The following CFAP99 variants were observed in gnomAD, a reference collection of about 807,000 sequenced individuals.
CFAP99 encodes cilia and flagella associated protein 99, also known as cilia- and flagella-associated protein 99.
In CFAP99, 84 loss-of-function variants were observed where a neutral mutation model predicts 82.7. That is an observed-to-expected ratio of 1.02 (90% CI 0.85 to 1.22). The LOEUF is 1.22. Ranked by LOEUF, CFAP99 falls within the 50% of genes most tolerant of loss-of-function variation. CFAP99 has a pLI of 0.00. For synonymous variants in CFAP99, 456 were observed against 429.5 expected (o/e 1.06, Z -0.76); for missense variants, 1,059 against 983.5 (o/e 1.08, Z -1.03).
chr4:2,420,883 C>T (rs980876343), intron 1 of CFAP99, among the ~76,000 whole-genome samples: 11 of 152,188 alleles, frequency 7.2e-5, no homozygotes, highest in African/African-American at 2.4e-4. Flanking sequence ...ATGGATATGC[C>T]TCTCTCGTTC....
intron 10 of CFAP99, among the ~76,000 whole-genome samples, chr4:2,451,879 G>T (rs1734310486): frequency 6.6e-6 from 1 of 151,660 alleles, no homozygotes; most frequent in Non-Finnish European, 1.5e-5. Flanking sequence ...TGGACAGACA[G>T]TTGGACAGAG....
At chr4:2,460,298 C>CATG in intron 14 of CFAP99, 56 bp downstream of exon 14, 1 of 1,478,318 alleles carries the variant, frequency 6.8e-7, no homozygotes, top group Non-Finnish European at 9.1e-7. Context: ...ATGCTGTAAG[C>CATG]CTGCCTTGCA....
chr4:2,459,407 C>A, intron 13 of CFAP99, 149 bp downstream of exon 13: 1 of 997,604 alleles, frequency 1.0e-6, no homozygotes, highest in Non-Finnish European at 1.4e-6. Flanking sequence ...ACTCAACACC[C>A]ATGTGCCGCG....
At chr4:2,456,698 T>A (rs1578482486) in intron 11 of CFAP99, among the ~76,000 whole-genome samples, 1 of 151,232 alleles carries the variant, frequency 6.6e-6, no homozygotes, top group Admixed American at 6.6e-5. Flanking sequence ...TTTGTGTTTT[T>A]AGTAGAGATG....
At chr4:2,449,494 C>T (rs1734250004) in intron 6 of CFAP99, among the ~76,000 whole-genome samples, 176 bp from the exon 7 acceptor site, 1 of 151,874 alleles carries the variant, frequency 6.6e-6, no homozygotes, top group Non-Finnish European at 1.5e-5. Context: ...CCTTTACTGC[C>T]AACGCTGACC....
At position 2,462,687 on chromosome 4, in the gene CFAP99, G is replaced by A. The variant is rs1288027936; in HGVS notation, c.1906G>A (p.Gly636Ser). 3 of 1,256,880 alleles carry A rather than the reference G, an allele frequency of 2.4e-6. No homozygotes were observed. The highest frequency in any genetic ancestry group is 2.8e-5 in the South Asian group (1 of 35,988). The allele number at this position is 1,256,880 out of a possible 1,614,324, so 77.9% of individuals were successfully genotyped here. A position where few individuals can be genotyped will look rare whatever the true frequency, so the allele number is the denominator to read the frequency against. The change falls in exon 15 of 15, where the codon GGC becomes AGC. Residue 636 changes from glycine to serine, a missense_variant. Coordinates refer to ENST00000635017, the Ensembl canonical transcript of CFAP99. This position sits in a 1 kb window ranked among gnomAD's most constrained non-coding sequence, Gnocchi z 4.1. ...ATGGCGGGCGCGGCGCGCAGGGACC[G>A]GCGTCCCGGGGCGGGGATGGCGGGG... is the stretch of plus-strand genomic sequence containing the variant.
chr4:2,450,197 G>C (rs1302042258), intron 8 of CFAP99, 192 bp downstream of exon 8: 1 of 620,884 alleles, frequency 1.6e-6, no homozygotes, highest in Non-Finnish European at 2.9e-6. Context: ...AAGCAGGCGG[G>C]TGTAGACGCG....
In CFAP99 at chr4:2,446,996, G is replaced by A. The variant is rs1734179749; in HGVS notation, c.642+1688G>A. On this transcript the variant is annotated intron_variant, in intron 6 of 14. Coordinates refer to ENST00000635017, the Ensembl canonical transcript of CFAP99. This position sits in a 1 kb window ranked among gnomAD's most constrained non-coding sequence, Gnocchi z 5.0. The stretch of plus-strand genomic sequence containing the variant: ...GATGGATGAATGAGTAGATGGATGG[G>A]TGGGCGAATGAATGGATGGATGGGT... Among the ~76,000 whole-genome samples the A allele has an allele frequency of 6.6e-6, 1 of 151,884 alleles. No homozygotes were observed. The highest frequency in any genetic ancestry group is 2.1e-4 in the South Asian group (1 of 4,806).
exon 6 of CFAP99, chr4:2,445,286 C>G (rs766292811): frequency 1.5e-6 from 2 of 1,366,034 alleles, no homozygotes; most frequent in Admixed American, 6.7e-5. Context: ...GAACCAGTCC[C>G]GGTCGTGGCC....
chr4:2,425,247 T>C (rs149868562), intron 1 of CFAP99, among the ~76,000 whole-genome samples: 220 of 152,292 alleles, frequency 1.4e-3, no homozygotes, highest in African/African-American at 5.1e-3. Flanking sequence ...TCTTTTCTTA[T>C]GGTTTCTATG....
intron 2 of CFAP99, among the ~76,000 whole-genome samples, chr4:2,431,102 C>T (rs968126618): frequency 6.6e-6 from 1 of 151,812 alleles, no homozygotes; most frequent in Non-Finnish European, 1.5e-5. Flanking sequence ...GGCGCGGTGG[C>T]TCATGCCTGT....
chr4:2,461,298 G>C (rs187816545), intron 14 of CFAP99, among the ~76,000 whole-genome samples: 10 of 152,320 alleles, frequency 6.6e-5, no homozygotes, highest in Admixed American at 1.3e-4. Context: ...TGTTGTAGTA[G>C]AGCCTCGTTC....
intron 1 of CFAP99, among the ~76,000 whole-genome samples, chr4:2,423,480 G>T (rs750194559): frequency 6.6e-6 from 1 of 152,188 alleles, no homozygotes; most frequent in African/African-American, 2.4e-5. Context: ...AAATCCCCAC[G>T]CCAGAGACTC....
intron 14 of CFAP99, among the ~76,000 whole-genome samples, chr4:2,461,293 T>C (rs1734615012): frequency 6.6e-6 from 1 of 152,156 alleles, no homozygotes; most frequent in South Asian, 2.1e-4. Context: ...CCAGCTGTTG[T>C]AGTAGAGCCT....
chr4:2,462,218 G>A lies in CFAP99; in HGVS notation c.1662-225G>A. On this transcript the variant is annotated intron_variant, in intron 14 of 14. Coordinates refer to ENST00000635017, the Ensembl canonical transcript of CFAP99. The surrounding 1 kb of genome is among the most constrained non-coding windows in gnomAD (Gnocchi z 4.1). ...AAAAGAAAAAAAGAGCAAAAGGGTAGATAGAAGTGCTGGAGACTCCCCCAA... is the reference window on the plus strand; with the variant it reads ...AAAAGAAAAAAAGAGCAAAAGGGTAAATAGAAGTGCTGGAGACTCCCCCAA... 2.4e-6 allele frequency: 1 copy of A among 418,072 alleles called. No homozygotes were observed. Among genetic ancestry groups the A allele is most frequent in the South Asian group, 6.7e-5 (1 of 15,002 alleles). The allele number at this position is 418,072 out of a possible 1,614,324, so 25.9% of individuals were successfully genotyped here. A position where few individuals can be genotyped will look rare whatever the true frequency, so the allele number is the denominator to read the frequency against.
intron 2 of CFAP99, among the ~76,000 whole-genome samples, chr4:2,436,418 C>T (rs1459185513): frequency 2.0e-5 from 3 of 152,162 alleles, no homozygotes; most frequent in Non-Finnish European, 4.4e-5. Context: ...CATTTTTCAG[C>T]GTAGAGTTCC....
intron 6 of CFAP99, among the ~76,000 whole-genome samples, chr4:2,447,665 A>G (rs1466042835): frequency 6.8e-6 from 1 of 146,200 alleles, no homozygotes; most frequent in Non-Finnish European, 1.5e-5. Flanking sequence ...GGATGGATGG[A>G]TGGACGGATT....
intron 1 of CFAP99, among the ~76,000 whole-genome samples, chr4:2,426,217 GAGCCGCAGAGGCCTGC>G (rs1257384231): frequency 6.6e-6 from 1 of 152,096 alleles, no homozygotes; most frequent in Non-Finnish European, 1.5e-5. Context: ...CTGGGCCCCT[GAGCCGCAGAGGCCTGC>G]AGGAGACAGT....
intron 1 of CFAP99, among the ~76,000 whole-genome samples, chr4:2,420,656 A>G (rs924296231): frequency 5.9e-5 from 9 of 152,212 alleles, no homozygotes; most frequent in Non-Finnish European, 1.0e-4. Context: ...AGCTGCATGT[A>G]TTGAAAAATC....
Sources: gnomAD v4.1 joint callset for allele counts (sites outside exome capture counted in the v4.1 genomes callset) on GRCh38, gnomAD v4.1.1 for gene constraint, Gnocchi (gnomAD v3.1) non-coding constraint, MANE v1.5 for transcripts, NCBI Gene and HGNC (gene_info 2026-07-23, HGNC 2026-07-21) for gene names.